The following DDX46 variants were observed in gnomAD, a reference collection of about 807,000 sequenced individuals.
DDX46 encodes DEAD-box helicase 46, also known as probable ATP-dependent RNA helicase DDX46.
Under a neutral mutation model 134.9 loss-of-function variants are expected in DDX46, and 30 were observed. The ratio of observed to expected loss-of-function variants is 0.22; its 90% CI spans 0.17 to 0.30. DDX46 has a LOEUF of 0.30. Among genes scored for constraint, DDX46 ranks in the 10% least tolerant of loss-of-function variants. The pLI is 1.00. For synonymous variants in DDX46, 415 were observed against 404.1 expected (o/e 1.03, Z -0.32); for missense variants, 622 against 1,248.7 (o/e 0.50, Z 7.56).
At chr5:134,801,757 G>A (rs1754836337) in intron 15 of DDX46, among the ~76,000 whole-genome samples, 1 of 151,962 alleles carries the variant, frequency 6.6e-6, no homozygotes, top group Non-Finnish European at 1.5e-5. Flanking sequence ...ATCACTGTTT[G>A]TGTATCTGTT....
intron 9 of DDX46, among the ~76,000 whole-genome samples, chr5:134,783,764 G>A (rs1434993306): frequency 1.3e-5 from 2 of 149,634 alleles, no homozygotes; most frequent in East Asian, 2.0e-4. Context: ...GGTGAGGGTG[G>A]TCTCGAACTC....
At chr5:134,759,199 G>A (rs867337435) in intron 1 of DDX46, among the ~76,000 whole-genome samples, 1 of 152,220 alleles carries the variant, frequency 6.6e-6, no homozygotes. Context: ...AACCCTCCAG[G>A]ACGTTAGTGA....
rs184028873 is a variant in DDX46, at chr5:134,782,749, C to A, written c.1046-196C>A. Among the ~76,000 whole-genome samples the A allele has an allele frequency of 1.4e-3, 209 of 152,154 alleles. 3 individuals are homozygous for A. The East Asian group carries it at 0.037, about 27-fold the overall frequency. On this transcript the variant is annotated intron_variant, in intron 8 of 22. Coordinates refer to ENST00000452510, the MANE Select transcript of DDX46 (RefSeq NM_001300860.2). ...TGAGACAGGGTTTCACCATGTTGCCCAGGTTGGTCTTCAACTCCTGGGTTC... is the reference window on the plus strand; with the variant it reads ...TGAGACAGGGTTTCACCATGTTGCCAAGGTTGGTCTTCAACTCCTGGGTTC...
intron 4 of DDX46, among the ~76,000 whole-genome samples, chr5:134,772,846 G>C (rs1462833127): frequency 6.6e-6 from 1 of 152,146 alleles, no homozygotes; most frequent in Admixed American, 6.5e-5. Flanking sequence ...TTGTTGCTGA[G>C]GCCGGAGTAC....
rs138236571 is a variant in DDX46 at position 134,820,941 on chromosome 5, C to G, written c.2977+1937C>G. Among the ~76,000 whole-genome samples, 1,487 of 148,888 alleles carry G rather than the reference C, an allele frequency of 1.0e-2. 28 individuals carry two copies. The highest frequency in any genetic ancestry group is 0.035 in the African/African-American group (1,421 of 40,280). ...AGTGCAGTGGCACAATCTCGACTCA[C>G]TGCAACTCCCACCTCCTGGGTTCAA... On this transcript the variant is annotated intron_variant, in intron 21 of 22. Transcript: ENST00000452510.
At chr5:134,822,143 T>C (rs544966315) in intron 21 of DDX46, among the ~76,000 whole-genome samples, 1 of 152,256 alleles carries the variant, frequency 6.6e-6, no homozygotes, top group East Asian at 1.9e-4. Context: ...CCTCCCAAAG[T>C]GCAGGGATTA....
At chr5:134,821,321 C>T (rs1271438581) in intron 21 of DDX46, among the ~76,000 whole-genome samples, 6 of 151,800 alleles carry the variant, frequency 4.0e-5, no homozygotes, top group Non-Finnish European at 4.4e-5. Context: ...GGATTACAGG[C>T]GTGAGCCACT....
rs779146870 is a variant in DDX46 at position 134,781,918 on chromosome 5, T to C, written c.880-3T>C. On this transcript the variant is annotated splice_polypyrimidine_tract_variant and splice_region_variant and intron_variant, in intron 7 of 22. Coordinates refer to ENST00000452510, the MANE Select transcript of DDX46 (RefSeq NM_001300860.2). ...CGCTTTAATTTTTTCTTTTAAACTATAGTATTCTTCAGAGGAGGAAGAAGT... is the reference window on the plus strand; with the variant it reads ...CGCTTTAATTTTTTCTTTTAAACTACAGTATTCTTCAGAGGAGGAAGAAGT... 4 of 1,601,436 alleles carry C rather than the reference T, an allele frequency of 2.5e-6. No homozygotes were observed. The highest frequency in any genetic ancestry group is 2.3e-5 in the South Asian group (2 of 88,260).
At chr5:134,781,776 C>A in intron 7 of DDX46, 145 bp from the exon 8 acceptor site, 1 of 744,954 alleles carries the variant, frequency 1.3e-6, no homozygotes, top group East Asian at 3.1e-5. Flanking sequence ...CTATAAAAAT[C>A]TTGTGGGTCA....
chr5:134,773,942 C>A, intron 5 of DDX46, 81 bp downstream of exon 5: 1 of 1,349,294 alleles, frequency 7.4e-7, no homozygotes, highest in Non-Finnish European at 9.8e-7. Context: ...GGTTTTTAAT[C>A]TTTTTTATTG....
chr5:134,824,685 AT>A (rs1343664005), intron 21 of DDX46, among the ~76,000 whole-genome samples: 3 of 152,350 alleles, frequency 2.0e-5, no homozygotes, highest in African/African-American at 4.8e-5. Context: ...AGGTAATTAG[AT>A]TTTTTAAAGG....
intron 16 of DDX46, among the ~76,000 whole-genome samples, chr5:134,810,127 G>A (rs1437316800): frequency 6.6e-6 from 1 of 151,864 alleles, no homozygotes; most frequent in Non-Finnish European, 1.5e-5. Context: ...TGCCCAGGCT[G>A]GCCTCCAACT....
chr5:134,763,849 A>C, intron 1 of DDX46, 55 bp from the exon 2 acceptor site: 1 of 1,486,764 alleles, frequency 6.7e-7, no homozygotes, highest in Non-Finnish European at 9.0e-7. Context: ...ATGTAATAAA[A>C]TGTAATAGAA....
At chr5:134,786,275 T>C (rs1198197463) in intron 11 of DDX46, among the ~76,000 whole-genome samples, 21 of 152,202 alleles carry the variant, frequency 1.4e-4, no homozygotes, top group Admixed American at 1.1e-3. Flanking sequence ...TAAATATATA[T>C]AATTTTTGTT....
intron 3 of DDX46, 51 bp from the exon 4 acceptor site, chr5:134,770,852 T>C: frequency 6.7e-7 from 1 of 1,489,012 alleles, no homozygotes; most frequent in Non-Finnish European, 9.0e-7. Context: ...AATGAATGTT[T>C]CTAAGTACAA....
At chr5:134,803,151 G>T (rs1477956991) in intron 15 of DDX46, among the ~76,000 whole-genome samples, 1 of 151,986 alleles carries the variant, frequency 6.6e-6, no homozygotes, top group Non-Finnish European at 1.5e-5. Flanking sequence ...GTGCCACCAC[G>T]CCCAGCTAAT....
intron 15 of DDX46, among the ~76,000 whole-genome samples, chr5:134,801,796 G>GT (rs1178334785): frequency 6.0e-5 from 9 of 150,698 alleles, no homozygotes; most frequent in East Asian, 1.9e-4. Context: ...TTAGTTGGTT[G>GT]TTTTTTTTAT....
chr5:134,763,419 C>T (rs1419728150), intron 1 of DDX46, among the ~76,000 whole-genome samples: 1 of 152,156 alleles, frequency 6.6e-6, no homozygotes, highest in African/African-American at 2.4e-5. Context: ...TCAACACTAG[C>T]CACAACTGGC....
intron 2 of DDX46, among the ~76,000 whole-genome samples, chr5:134,766,693 C>T (rs1271220932): frequency 1.3e-5 from 2 of 152,174 alleles, no homozygotes; most frequent in Non-Finnish European, 2.9e-5. Context: ...TGCACTCCAG[C>T]CTGGGTGACA....
Sources: allele counts gnomAD v4.1 joint callset (sites outside exome capture counted in the v4.1 genomes callset), GRCh38; gene constraint gnomAD v4.1.1; transcripts MANE v1.5; gene names NCBI Gene and HGNC (gene_info 2026-07-23, HGNC 2026-07-21).